The following PTPRT variants were observed in gnomAD, a reference collection of about 807,000 sequenced individuals.
PTPRT encodes the protein receptor-type tyrosine-protein phosphatase T.
PTPRT carries 56 observed loss-of-function variants against 176.8 expected under a neutral mutation model. The ratio of observed to expected loss-of-function variants is 0.32; its 90% CI spans 0.26 to 0.40. The LOEUF (loss-of-function observed/expected upper bound fraction) is 0.40, where lower values mean the gene tolerates loss of function less well. Among genes scored for constraint, PTPRT ranks in the 10% least tolerant of loss-of-function variants. The pLI is 1.00. For missense variants in PTPRT, 1,540 were observed against 1,908.2 expected, an observed-to-expected ratio of 0.81 and a Z score of 3.60; for synonymous variants, 783 against 739.0, an observed-to-expected ratio of 1.06 and a Z score of -0.96.
chr20:42,132,157 G>C (rs1988154025), intron 18 of PTPRT, among the ~76,000 whole-genome samples: 1 of 152,170 alleles, frequency 6.6e-6, no homozygotes, highest in Admixed American at 6.5e-5. Flanking sequence ...CAAAATTCAT[G>C]CCTACACAGC....
intron 1 of PTPRT, among the ~76,000 whole-genome samples, chr20:43,164,346 T>C (rs1396935996): frequency 1.3e-5 from 2 of 152,208 alleles, no homozygotes; most frequent in Non-Finnish European, 2.9e-5. Context: ...GAGAATTGCT[T>C]CTTTAAGTGC....
chr20:42,256,867 G>A (rs2056650789), intron 13 of PTPRT, among the ~76,000 whole-genome samples: 2 of 152,192 alleles, frequency 1.3e-5, no homozygotes, highest in Admixed American at 6.5e-5. Flanking sequence ...CCCAACAGAA[G>A]TGGAACTCTG....
chr20:43,010,250 A>G (rs1985049657), intron 1 of PTPRT, among the ~76,000 whole-genome samples: 1 of 152,164 alleles, frequency 6.6e-6, no homozygotes, highest in African/African-American at 2.4e-5. Context: ...ACTTCCTGCC[A>G]AAACTGGTAG....
intron 1 of PTPRT, among the ~76,000 whole-genome samples, chr20:42,901,704 T>A (rs779109024): frequency 3.7e-4 from 56 of 152,150 alleles, no homozygotes; most frequent in Non-Finnish European, 6.0e-4. Context: ...ATGGGCTGCT[T>A]CATGCCCCCT....
chr20:42,652,725 C>A (rs951139639), intron 7 of PTPRT, among the ~76,000 whole-genome samples: 1 of 152,128 alleles, frequency 6.6e-6, no homozygotes, highest in African/African-American at 2.4e-5. Context: ...TGAGTCCCTG[C>A]CTTTGTGTCA....
intron 1 of PTPRT, among the ~76,000 whole-genome samples, chr20:42,947,671 TC>T (rs777919418): frequency 1.3e-5 from 2 of 152,164 alleles, no homozygotes; most frequent in Non-Finnish European, 2.9e-5. Flanking sequence ...AAGCCCTTGC[TC>T]CTTTTCTTTC....
At chr20:42,199,160 A>C in intron 16 of PTPRT, 80 bp downstream of exon 16, 1 of 1,506,700 alleles carries the variant, frequency 6.6e-7, no homozygotes. Flanking sequence ...GCACCTGATC[A>C]ATGTGTGGGG....
At chr20:42,397,159 C>CGTACGATGCATTTTCG (rs2145690502) in intron 9 of PTPRT, among the ~76,000 whole-genome samples, 1 of 152,284 alleles carries the variant, frequency 6.6e-6, no homozygotes. Context: ...TGGAAAAATG[C>CGTACGATGCATTTTCG]TAGACCTACG....
At chr20:42,861,682 T>TAAAACAAAAC (rs534140121) in intron 2 of PTPRT, among the ~76,000 whole-genome samples, 1 of 151,402 alleles carries the variant, frequency 6.6e-6, no homozygotes, top group Non-Finnish European at 1.5e-5. Context: ...AGTGTCTGGA[T>TAAAACAAAAC]AAAACAAAAC....
chr20:43,152,886 C>T (rs1405896506), intron 1 of PTPRT, among the ~76,000 whole-genome samples: 2 of 152,182 alleles, frequency 1.3e-5, no homozygotes, highest in Admixed American at 1.3e-4. Context: ...CATTCAATTG[C>T]AAAACCTGAA....
At chr20:42,246,721 T>C (rs2056458134) in intron 14 of PTPRT, among the ~76,000 whole-genome samples, 1 of 152,166 alleles carries the variant, frequency 6.6e-6, no homozygotes, top group Admixed American at 6.5e-5. Context: ...AAGAGCAAAA[T>C]TGGAAGAGCA....
chr20:42,706,504 G>A (rs1023088100), intron 6 of PTPRT, among the ~76,000 whole-genome samples: 2 of 152,142 alleles, frequency 1.3e-5, no homozygotes, highest in Admixed American at 1.3e-4. Context: ...CCTGTGAAAA[G>A]TTGCTAATAT....
chr20:42,321,990 G>A (rs6093617), intron 11 of PTPRT, among the ~76,000 whole-genome samples: 53,408 of 151,704 alleles, frequency 0.35, 10,767 homozygotes, highest in African/African-American at 0.57. Context: ...GGAGAATGCC[G>A]TGAACCCGGA....
intron 1 of PTPRT, among the ~76,000 whole-genome samples, chr20:42,892,344 C>A (rs1381279133): frequency 6.6e-6 from 1 of 152,186 alleles, no homozygotes; most frequent in Non-Finnish European, 1.5e-5. Context: ...GAGCCCTAGA[C>A]TGGATGGTAC....
chr20:42,791,225 G>A lies in PTPRT; in HGVS notation c.456C>T (p.Ala152=), dbSNP rs180829060. ...AGAAATGTGGCCAGAAAGTGCTGAT[G>A]GCGAGCTCTGCCTTCACCCAGCCCT... ...VTEGWVKAEL[A]ISTFWPHFYQ... The change falls in exon 3 of 31, where the codon GCC becomes GCT. Residue 152 remains alanine (A), a synonymous_variant. Transcript: ENST00000373187. The A allele has an allele frequency of 3.4e-4, 547 of 1,598,778 alleles. 2 individuals are homozygous for A. The African/African-American group carries it at 6.6e-3, about 19-fold the overall frequency.
At chr20:42,757,076 AG>A (rs1461907176) in intron 5 of PTPRT, among the ~76,000 whole-genome samples, 3 of 144,454 alleles carry the variant, frequency 2.1e-5, no homozygotes, top group Non-Finnish European at 4.5e-5. Flanking sequence ...AAAAAAAAAA[AG>A]GGCAGGAGTT....
intron 7 of PTPRT, among the ~76,000 whole-genome samples, chr20:42,502,426 AC>A (rs2071767919): frequency 6.8e-6 from 1 of 147,974 alleles, no homozygotes; most frequent in Admixed American, 6.6e-5. Context: ...ACACACACAC[AC>A]ACACACACAC....
chr20:42,837,635 T>C (rs943905744), intron 2 of PTPRT, among the ~76,000 whole-genome samples: 3 of 152,184 alleles, frequency 2.0e-5, no homozygotes, highest in African/African-American at 7.2e-5. Flanking sequence ...ATTAACAGTA[T>C]GTATTTATTC....
intron 1 of PTPRT, among the ~76,000 whole-genome samples, chr20:43,163,587 G>A (rs1342518634): frequency 2.0e-5 from 3 of 151,512 alleles, no homozygotes; most frequent in African/African-American, 4.8e-5. Context: ...GCAGTGAGCC[G>A]AGATCATGCC....
Sources: gnomAD v4.1 joint callset for allele counts (sites outside exome capture counted in the v4.1 genomes callset) on GRCh38, gnomAD v4.1.1 for gene constraint, MANE v1.5 for transcripts, NCBI Gene and HGNC (gene_info 2026-07-23, HGNC 2026-07-21) for gene names.